The following DACH1 variants were observed in gnomAD, a reference collection of about 807,000 sequenced individuals.
DACH1 encodes dachshund family transcription factor 1.
A neutral mutation model predicts 54.2 loss-of-function variants in DACH1; 12 were observed. That is an observed-to-expected ratio of 0.22 (90% CI 0.14 to 0.36). DACH1 has a LOEUF of 0.36. Among genes scored for constraint, DACH1 ranks in the 10% least tolerant of loss-of-function variants. DACH1 has a pLI of 1.00. For missense variants in DACH1, 805 were observed against 929.8 expected (o/e 0.87, Z 1.75); for synonymous variants, 386 against 366.2 (o/e 1.05, Z -0.62).
At chr13:71,782,957 G>A (rs947442747) in intron 1 of DACH1, among the ~76,000 whole-genome samples, 2 of 152,028 alleles carry the variant, frequency 1.3e-5, no homozygotes, top group African/African-American at 4.8e-5. Flanking sequence ...AGTCCCTCAA[G>A]CCATTATCAC....
chr13:71,760,696 G>A (rs779119750), intron 1 of DACH1, among the ~76,000 whole-genome samples: 2 of 152,174 alleles, frequency 1.3e-5, no homozygotes, highest in Non-Finnish European at 2.9e-5. Context: ...TTGTAGTGGT[G>A]AGGATTTCTT....
At chr13:71,720,201 T>C (rs1387039606) in intron 1 of DACH1, among the ~76,000 whole-genome samples, 1 of 152,082 alleles carries the variant, frequency 6.6e-6, no homozygotes, top group Non-Finnish European at 1.5e-5. Flanking sequence ...CTAAGTCTGA[T>C]CAGGAAAGCA....
chr13:71,515,676 G>A (rs1367351406), intron 6 of DACH1, among the ~76,000 whole-genome samples: 1 of 151,854 alleles, frequency 6.6e-6, no homozygotes, highest in Non-Finnish European at 1.5e-5. Context: ...AATACAAATT[G>A]CACATATTTC....
At chr13:71,710,592 T>C (rs1218256994) in intron 1 of DACH1, among the ~76,000 whole-genome samples, 2 of 151,908 alleles carry the variant, frequency 1.3e-5, no homozygotes, top group African/African-American at 4.8e-5. Flanking sequence ...TAAGCCACAC[T>C]AAGGAATTTA....
chr13:71,553,609 ATT>A (rs1270266745), intron 6 of DACH1, among the ~76,000 whole-genome samples: 2 of 141,384 alleles, frequency 1.4e-5, no homozygotes, highest in African/African-American at 5.0e-5. Flanking sequence ...TGTATTTTAT[ATT>A]GTTATATATA....
intron 10 of DACH1, among the ~76,000 whole-genome samples, chr13:71,473,559 C>T (rs1157342101): frequency 6.6e-6 from 1 of 152,090 alleles, no homozygotes; most frequent in Non-Finnish European, 1.5e-5. Context: ...ATAACCATAG[C>T]CTTATTAACA....
intron 6 of DACH1, among the ~76,000 whole-genome samples, chr13:71,525,263 C>T (rs2138291196): frequency 6.6e-6 from 1 of 152,194 alleles, no homozygotes; most frequent in East Asian, 1.9e-4. Context: ...TAAACAATCC[C>T]AGCTGTATGA....
At chr13:71,468,735 T>C (rs1876810430) in intron 10 of DACH1, among the ~76,000 whole-genome samples, 1 of 152,230 alleles carries the variant, frequency 6.6e-6, no homozygotes, top group South Asian at 2.1e-4. Context: ...ATTGTAAATT[T>C]ATCATAAATT....
intron 1 of DACH1, among the ~76,000 whole-genome samples, chr13:71,721,621 G>A (rs767732122): frequency 6.6e-6 from 1 of 152,000 alleles, no homozygotes; most frequent in Non-Finnish European, 1.5e-5. Flanking sequence ...CAAGTCATAT[G>A]AATAATAAAA....
At chr13:71,654,251 G>A (rs1241311938) in intron 2 of DACH1, among the ~76,000 whole-genome samples, 3 of 151,540 alleles carry the variant, frequency 2.0e-5, no homozygotes, top group Non-Finnish European at 4.4e-5. Context: ...TAAGCCGGGT[G>A]TGGCGGAGCA....
chr13:71,482,019 G>C (rs2138187635), intron 7 of DACH1, among the ~76,000 whole-genome samples: 1 of 152,302 alleles, frequency 6.6e-6, no homozygotes, highest in South Asian at 2.1e-4. Flanking sequence ...TTTTCTCCAA[G>C]GGGAGGATGG....
chr13:71,640,668 C>T (rs1268546859), intron 2 of DACH1, among the ~76,000 whole-genome samples: 1 of 152,034 alleles, frequency 6.6e-6, no homozygotes, highest in East Asian at 1.9e-4. Flanking sequence ...CTTCTTACTA[C>T]TCACAGAACC....
intron 1 of DACH1, among the ~76,000 whole-genome samples, chr13:71,712,686 AT>A (rs1337304287): frequency 1.3e-5 from 2 of 152,024 alleles, no homozygotes; most frequent in Admixed American, 6.6e-5. Flanking sequence ...GTAAACAAAA[AT>A]TTTTTTAATG....
chr13:71,715,715 A>G (rs1882935196), intron 1 of DACH1, among the ~76,000 whole-genome samples: 1 of 152,094 alleles, frequency 6.6e-6, no homozygotes, highest in African/African-American at 2.4e-5. Flanking sequence ...GTAAATAAAA[A>G]GACAACTTTC....
At chr13:71,774,491 A>C (rs550379998) in intron 1 of DACH1, among the ~76,000 whole-genome samples, 1 of 152,162 alleles carries the variant, frequency 6.6e-6, no homozygotes, top group African/African-American at 2.4e-5. Flanking sequence ...ACTACAGTAG[A>C]AAACATGTGG....
intron 2 of DACH1, among the ~76,000 whole-genome samples, chr13:71,644,693 TTGGACAGAACTGGGGCTCTACTTCA>T (rs540856820): frequency 1.2e-3 from 184 of 152,218 alleles, no homozygotes; most frequent in African/African-American, 4.3e-3. Context: ...CTAGCAGCAT[TTGGACAGAACTGGGGCTCTACTTCA>T]TTCCAGGGAC....
chr13:71,748,908 CTTTCTTTCTTTCTTTCTT>C (rs1884779129), intron 1 of DACH1, among the ~76,000 whole-genome samples: 1 of 30,868 alleles, frequency 3.2e-5, no homozygotes, highest in African/African-American at 7.9e-5. Flanking sequence ...CTCTTTCTTT[CTTTCTTTCTTTCTTTCTT>C]TCTTTCTTTC....
intron 1 of DACH1, among the ~76,000 whole-genome samples, chr13:71,830,353 C>A (rs1323649756): frequency 6.6e-6 from 1 of 151,832 alleles, no homozygotes; most frequent in Non-Finnish European, 1.5e-5. Flanking sequence ...AGCTTTTGTT[C>A]TTTCAGCCAA....
intron 2 of DACH1, among the ~76,000 whole-genome samples, chr13:71,670,745 T>C (rs1046576932): frequency 4.6e-5 from 7 of 152,064 alleles, no homozygotes; most frequent in Non-Finnish European, 1.0e-4. Flanking sequence ...TCAGCCTAAT[T>C]ACAATAATAC....
Sources: allele counts gnomAD v4.1 joint callset (sites outside exome capture counted in the v4.1 genomes callset), GRCh38; gene constraint gnomAD v4.1.1; transcripts MANE v1.5; gene names NCBI Gene and HGNC (gene_info 2026-07-23, HGNC 2026-07-21).